SLC17A7: variants seen among roughly 807,000 people sequenced by gnomAD.
SLC17A7 encodes solute carrier family 17 member 7.
A neutral mutation model predicts 59.1 loss-of-function variants in SLC17A7; 15 were observed. That is an observed-to-expected ratio of 0.25 (90% CI 0.17 to 0.39). The LOEUF (loss-of-function observed/expected upper bound fraction) is 0.39. Among genes scored for constraint, SLC17A7 ranks in the 10% least tolerant of loss-of-function variants. SLC17A7 has a pLI of 1.00. For missense variants in SLC17A7, 499 were observed against 765.1 expected (o/e 0.65, Z 4.10); for synonymous variants, 353 against 308.9 (o/e 1.14, Z -1.50).
Position 49,436,490 on chromosome 19 carries a change from G to A in SLC17A7, c.315+59C>T, listed in dbSNP as rs2078980096. On this transcript the variant is annotated intron_variant, in intron 2 of 11. Transcript: ENST00000221485. This position sits in a 1 kb window ranked among gnomAD's most constrained non-coding sequence, Gnocchi z 4.1. Reference sequence around the variant, plus strand: ...GGTGGGTGAGTGTGACGTCATGGGGGCGTAGGCGGAGCTCGGTGAGCGGGG... The same window carrying A: ...GGTGGGTGAGTGTGACGTCATGGGGACGTAGGCGGAGCTCGGTGAGCGGGG... 6 of 1,582,854 alleles carry A rather than the reference G, an allele frequency of 3.8e-6. No individual in the cohort carries two copies. The highest frequency in any genetic ancestry group is 2.2e-5 in the East Asian group (1 of 44,626).
chr19:49,440,373 T>C (rs1221553482), intron 1 of SLC17A7, among the ~76,000 whole-genome samples: 2 of 152,176 alleles, frequency 1.3e-5, no homozygotes, highest in Non-Finnish European at 2.9e-5. Context: ...TTTAGGCTTT[T>C]CCGCAGCTGA....
In SLC17A7 at chr19:49,436,774, C is replaced by G. The variant is rs1308427117; in HGVS notation, c.90G>C (p.Ala30=). The part of the protein sequence containing the change: ...HRLLEKRQEG[A]ETLELSADGR... ...CATCCGCACTCAGCTCCAGCGTCTC[C>G]GCGCCTTCCTGCCGCTTCTCCAGAA... The change falls in exon 2 of 12, where the codon GCG becomes GCC. Residue 30 remains alanine, a synonymous_variant. Coordinates refer to ENST00000221485, the MANE Select transcript of SLC17A7 (RefSeq NM_020309.4). The surrounding 1 kb of genome is among the most constrained non-coding windows in gnomAD (Gnocchi z 4.1). The G allele has an allele frequency of 6.2e-7, 1 of 1,604,706 alleles. No homozygotes were observed. The highest frequency in any genetic ancestry group is 8.5e-7 in the Non-Finnish European group (1 of 1,179,762).
rs949223899 is a variant in SLC17A7 at position 49,431,227 on chromosome 19, C to T, written c.1262-85G>A. The stretch of plus-strand genomic sequence containing the variant: ...GGGACGTTCTCAACCCTCTCCCCTC[C>T]CCGCCACTCATGTTCCACCTTTTGT... On this transcript the variant is annotated intron_variant, in intron 10 of 11. Coordinates refer to ENST00000221485, the MANE Select transcript of SLC17A7 (RefSeq NM_020309.4). This position sits in a 1 kb window ranked among gnomAD's most constrained non-coding sequence, Gnocchi z 4.6. 3 of 1,567,286 alleles carry T rather than the reference C, an allele frequency of 1.9e-6. No individual in the cohort carries two copies. The highest frequency in any genetic ancestry group is 2.3e-5 in the East Asian group (1 of 44,124).
chr19:49,435,620 A>G, intron 2 of SLC17A7: 1 of 221,184 alleles, frequency 4.5e-6, no homozygotes, highest in South Asian at 8.0e-5. Context: ...GCGTTTGCGG[A>G]GTGACCTGCA....
At position 49,435,303 on chromosome 19, in the gene SLC17A7, A is replaced by C. The variant is rs771912981; in HGVS notation, c.316-17T>G. 1.9e-6 allele frequency: 3 copies of C among 1,581,940 alleles called. No individual in the cohort carries two copies. The Admixed American group carries it at 5.0e-5, about 26-fold the overall frequency. On this transcript the variant is annotated splice_polypyrimidine_tract_variant and intron_variant, in intron 2 of 11. Transcript: ENST00000221485. ...CTGGGCTTTCTGCGGGCCAAAATGT[A>C]CATTAAATCAGCCGCCCTGTCCAGG...
rs770122020 is a variant in SLC17A7, at chr19:49,431,489, C to G, written c.1151-41G>C. The G allele has an allele frequency of 1.4e-5, 21 of 1,548,538 alleles. No individual in the cohort carries two copies. The highest frequency in any genetic ancestry group is 1.2e-4 in the Admixed American group (7 of 58,840). ...GGGCCCGCGTCTCCTGAGTGTCGGCCGGAGCAAGGCGCAGGCTGCCCCACA... is the reference window on the plus strand; with the variant it reads ...GGGCCCGCGTCTCCTGAGTGTCGGCGGGAGCAAGGCGCAGGCTGCCCCACA... On this transcript the variant is annotated intron_variant, in intron 9 of 11. Coordinates refer to ENST00000221485, the MANE Select transcript of SLC17A7 (RefSeq NM_020309.4). The surrounding 1 kb of genome is among the most constrained non-coding windows in gnomAD (Gnocchi z 4.6).
Position 49,436,510 on chromosome 19 carries a change from G to A in SLC17A7, c.315+39C>T. On this transcript the variant is annotated intron_variant, in intron 2 of 11. Transcript: ENST00000221485. This position sits in a 1 kb window ranked among gnomAD's most constrained non-coding sequence, Gnocchi z 4.1. ...TGGGGGCGTAGGCGGAGCTCGGTGAGCGGGGCGGGGCTCTGCAAGGGCTCA... is the reference window on the plus strand; with the variant it reads ...TGGGGGCGTAGGCGGAGCTCGGTGAACGGGGCGGGGCTCTGCAAGGGCTCA... The A allele has an allele frequency of 1.3e-6, 2 of 1,595,444 alleles. No homozygotes were observed. Among genetic ancestry groups the A allele is most frequent in the South Asian group, 2.2e-5 (2 of 90,608 alleles).
intron 1 of SLC17A7, among the ~76,000 whole-genome samples, chr19:49,439,281 A>G (rs1392078836): frequency 6.6e-6 from 1 of 152,132 alleles, no homozygotes; most frequent in Non-Finnish European, 1.5e-5. Context: ...CAACTAAGGA[A>G]ACTGAGGCTC....
chr19:49,440,326 G>A (rs1047165294), intron 1 of SLC17A7, among the ~76,000 whole-genome samples: 2 of 152,340 alleles, frequency 1.3e-5, no homozygotes, highest in East Asian at 1.9e-4. Context: ...TGGTGCTGAT[G>A]AGGCCATCTC....
rs1012943958 is a variant in SLC17A7, at chr19:49,430,544, G to C, written c.1658C>G (p.Pro553Arg). Residue 553 changes from proline (P) to arginine (R), a missense_variant, in exon 12 of 12, where the codon CCC (proline) becomes CGC (arginine). Physicochemically the swap from Pro to Arg is moderately radical, Grantham distance 103 (BLOSUM62 -2). Transcript: ENST00000221485. Reference sequence around the variant, plus strand: ...TCAGTAGTCCCGGACAGGGGGTGGGGGCCTGGGGGGCTGAAATGTGCTGTG... The same window carrying C: ...TCAGTAGTCCCGGACAGGGGGTGGGCGCCTGGGGGGCTGAAATGTGCTGTG... Reference protein sequence around the residue: ...ATHSTFQPPRPPPPVRDY With the variant: ...ATHSTFQPPRRPPPVRDY 6.3e-7 allele frequency: 1 copy of C among 1,590,766 alleles called. No individual in the cohort carries two copies. The highest frequency in any genetic ancestry group is 1.7e-5 in the Admixed American group (1 of 58,596).
chr19:49,429,665 G>C lies in SLC17A7; in HGVS notation c.*854C>G. 4 of 398,246 alleles carry C rather than the reference G, an allele frequency of 1.0e-5. No individual in the cohort carries two copies. In the East Asian group the frequency reaches 1.4e-4, roughly 14 times the overall value. The allele number at this position is 398,246 out of a possible 1,614,324, so 24.7% of individuals were successfully genotyped here. A position where few individuals can be genotyped will look rare whatever the true frequency, so the allele number is the denominator to read the frequency against. ...TGGCCACTGAGAAACAGGGTAGTTC[G>C]AAACCACCCAGGAGAATAAAGTGCG... On this transcript the variant is annotated 3_prime_UTR_variant, in exon 12 of 12. Coordinates refer to ENST00000221485, the MANE Select transcript of SLC17A7 (RefSeq NM_020309.4).
chr19:49,435,981 A>C (rs1209516840), intron 2 of SLC17A7: 9 of 155,872 alleles, frequency 5.8e-5, no homozygotes, highest in Non-Finnish European at 8.5e-5. Flanking sequence ...CAGGAGAGTC[A>C]CTTGAGCCCA....
At position 49,431,328 on chromosome 19, in the gene SLC17A7, C is replaced by A. The variant is rs1404548442; in HGVS notation, c.1261+10G>T. On this transcript the variant is annotated intron_variant, in intron 10 of 11. Transcript: ENST00000221485. The surrounding 1 kb of genome is among the most constrained non-coding windows in gnomAD (Gnocchi z 4.6). The stretch of plus-strand genomic sequence containing the variant: ...CAGAGTCCCCCAAGCTGCGGATCCG[C>A]GGTTCTCACCAGAGATGGCGAAGCC... 29 of 1,613,232 alleles carry A rather than the reference C, an allele frequency of 1.8e-5. No individual in the cohort carries two copies. The highest frequency in any genetic ancestry group is 2.5e-5 in the Non-Finnish European group (29 of 1,179,476).
At position 49,434,605 on chromosome 19, in the gene SLC17A7, A is replaced by G; in HGVS notation, c.634T>C (p.Cys212Arg). ...TGAGGATCCCTCTTCCTCTCACCAC[A>G]AAAGGCTGTCGTCGCCAGGCGACTC... ...ERSRLATTAFCGSYAGAVVAM... is the reference protein window; with the variant it reads ...ERSRLATTAFRGSYAGAVVAM... Residue 212 changes from cysteine to arginine, a missense_variant, in exon 5 of 12, where the codon TGT becomes CGT. Transcript: ENST00000221485. 6.2e-7 allele frequency: 1 copy of G among 1,600,974 alleles called. No homozygotes were observed. Among genetic ancestry groups the G allele is most frequent in the Non-Finnish European group, 8.5e-7 (1 of 1,176,554 alleles).
chr19:49,437,296 C>A (rs2078983333), intron 1 of SLC17A7: 1 of 162,302 alleles, frequency 6.2e-6, no homozygotes, highest in African/African-American at 2.4e-5. Flanking sequence ...AATCCAGCAG[C>A]CCGTCCCAGG....
At position 49,434,795 on chromosome 19, in the gene SLC17A7, G is replaced by A. The variant is rs963158162; in HGVS notation, c.522C>T (p.Phe174=). The A allele has an allele frequency of 1.2e-6, 2 of 1,614,170 alleles. No individual in the cohort carries two copies. Among genetic ancestry groups the A allele is most frequent in the Admixed American group, 1.7e-5 (1 of 60,012 alleles). ...AARVHYGCVI[F]VRILQGLVEG... is the part of the protein sequence containing the mutation. The stretch of plus-strand genomic sequence containing the variant: ...CTACCAACCCCTGCAGGATCCTCAC[G>A]AAGATGACACAGCCATAGTGGACGC... The change falls in exon 4 of 12, where the codon TTC becomes TTT. Residue 174 remains phenylalanine, a synonymous_variant. Coordinates refer to ENST00000221485, the MANE Select transcript of SLC17A7 (RefSeq NM_020309.4).
At chr19:49,435,343 C>T in intron 2 of SLC17A7, 57 bp from the exon 3 acceptor site, 1 of 1,240,868 alleles carries the variant, frequency 8.1e-7, no homozygotes, top group Non-Finnish European at 1.2e-6. Flanking sequence ...GCCGCTCCAC[C>T]AATCAGCACC....
Position 49,433,732 on chromosome 19 carries a change from G to C in SLC17A7, c.861C>G (p.Pro287=), listed in dbSNP as rs746447272. 30 of 1,614,016 alleles carry C rather than the reference G, an allele frequency of 1.9e-5. No individual in the cohort carries two copies. In the Admixed American group the frequency reaches 3.2e-4, roughly 17 times the overall value. Residue 287 remains proline (P), a synonymous_variant, in exon 7 of 12, where the codon CCC becomes CCG. Coordinates refer to ENST00000221485, the MANE Select transcript of SLC17A7 (RefSeq NM_020309.4). This position sits in a 1 kb window ranked among gnomAD's most constrained non-coding sequence, Gnocchi z 5.7. ...CGAAGATTTGGTCCCGGACCGTGAG[G>C]GGGTTCATGAGTTTCGCGCTCTCTC... ...AIGESAKLMN[P]LTKFSTPWRR...
chr19:49,435,510 T>C, intron 2 of SLC17A7: 2 of 473,118 alleles, frequency 4.2e-6, no homozygotes, highest in Non-Finnish European at 7.6e-6. Context: ...ACAGAGTCCA[T>C]CACCACCTAG....
Sources: allele counts gnomAD v4.1 joint callset (sites outside exome capture counted in the v4.1 genomes callset), GRCh38; gene constraint gnomAD v4.1.1; non-coding constraint Gnocchi (gnomAD v3.1); transcripts MANE v1.5; gene names NCBI Gene and HGNC (gene_info 2026-07-23, HGNC 2026-07-21).